The following CCSER1 variants were observed in gnomAD, a reference collection of about 807,000 sequenced individuals.
The protein encoded by CCSER1 is coiled-coil serine rich protein 1.
CCSER1 carries 41 observed loss-of-function variants against 82.0 expected under a neutral mutation model. The observed-to-expected ratio is 0.50, with a 90% CI of 0.39 to 0.65. The LOEUF is 0.65. CCSER1 is among the 30% of genes least tolerant of loss of function. The pLI, the probability that CCSER1 is intolerant of heterozygous loss-of-function variation, is 0.00. For missense variants in CCSER1, 1,119 were observed against 1,064.2 expected (o/e 1.05, Z -0.72); for synonymous variants, 414 against 383.9 (o/e 1.08, Z -0.92).
chr4:91,263,307 A>G (rs1405972628), intron 10 of CCSER1, among the ~76,000 whole-genome samples: 1 of 152,054 alleles, frequency 6.6e-6, no homozygotes, highest in Non-Finnish European at 1.5e-5. Context: ...TCTACTTGAT[A>G]TGGTTCTGAA....
intron 5 of CCSER1, among the ~76,000 whole-genome samples, chr4:90,593,153 T>G (rs927298682): frequency 5.3e-5 from 8 of 152,192 alleles, no homozygotes; most frequent in African/African-American, 1.7e-4. Flanking sequence ...TTATTCATTT[T>G]TTTAATCACA....
chr4:91,367,183 G>A (rs1215669524), intron 10 of CCSER1, among the ~76,000 whole-genome samples: 1 of 149,564 alleles, frequency 6.7e-6, no homozygotes, highest in African/African-American at 2.5e-5. Context: ...TTGTTATGGT[G>A]GATTGAACCT....
chr4:91,310,250 A>G lies in CCSER1; in HGVS notation c.2217+224256A>G, dbSNP rs574242630. Reference sequence around the variant, plus strand: ...TGGCCTGATTGGCTGCCATTTTATTATCGTGCCTTGACCATTGTTATTCCC... The same window carrying G: ...TGGCCTGATTGGCTGCCATTTTATTGTCGTGCCTTGACCATTGTTATTCCC... On this transcript the variant is annotated intron_variant, in intron 10 of 10. Coordinates refer to ENST00000509176, the MANE Select transcript of CCSER1 (RefSeq NM_001145065.2). 4.6e-5 allele frequency among the ~76,000 whole-genome samples: 7 copies of G among 151,894 alleles called. No homozygotes were observed. The South Asian group carries it at 1.2e-3, about 27-fold the overall frequency.
At chr4:91,592,689 A>C (rs1764322348) in intron 10 of CCSER1, among the ~76,000 whole-genome samples, 1 of 152,170 alleles carries the variant, frequency 6.6e-6, no homozygotes, top group African/African-American at 2.4e-5. Context: ...TATTTTCATT[A>C]ATCTTTCAAA....
At chr4:90,358,632 A>G (rs928009974) in intron 3 of CCSER1, among the ~76,000 whole-genome samples, 1 of 152,190 alleles carries the variant, frequency 6.6e-6, no homozygotes, top group African/African-American at 2.4e-5. Context: ...TGTTGTATTT[A>G]TAATACAAAA....
chr4:90,222,622 C>CT (rs1742356631), intron 1 of CCSER1, among the ~76,000 whole-genome samples: 1 of 152,034 alleles, frequency 6.6e-6, no homozygotes, highest in African/African-American at 2.4e-5. Flanking sequence ...TTCAAAGTGC[C>CT]TTTTTAATCC....
intron 10 of CCSER1, among the ~76,000 whole-genome samples, chr4:91,477,585 A>G (rs1189544995): frequency 6.6e-6 from 1 of 151,882 alleles, no homozygotes; most frequent in East Asian, 1.9e-4. Context: ...CTAATTTTCA[A>G]AAGTAGTTTT....
intron 6 of CCSER1, among the ~76,000 whole-genome samples, chr4:90,711,108 C>A (rs1740524689): frequency 6.6e-6 from 1 of 152,012 alleles, no homozygotes; most frequent in South Asian, 2.1e-4. Flanking sequence ...AATGTGAATT[C>A]ATTCATGATT....
At chr4:90,526,775 T>G (rs1420456247) in intron 5 of CCSER1, among the ~76,000 whole-genome samples, 1 of 152,226 alleles carries the variant, frequency 6.6e-6, no homozygotes, top group Admixed American at 6.5e-5. Flanking sequence ...CTATCACTGA[T>G]GGGCATTTGG....
intron 8 of CCSER1, among the ~76,000 whole-genome samples, chr4:90,878,125 T>C (rs1185439658): frequency 6.6e-6 from 1 of 152,166 alleles, no homozygotes; most frequent in Non-Finnish European, 1.5e-5. Flanking sequence ...GTCTCACTTT[T>C]ATGGACTATT....
intron 10 of CCSER1, among the ~76,000 whole-genome samples, chr4:91,302,757 C>T (rs886553817): frequency 6.6e-6 from 1 of 151,794 alleles, no homozygotes; most frequent in Non-Finnish European, 1.5e-5. Flanking sequence ...ACTTTCTTAT[C>T]CCTTAAAACT....
intron 10 of CCSER1, among the ~76,000 whole-genome samples, chr4:91,538,698 C>CATATATTATGTGT: frequency 7.2e-6 from 1 of 138,340 alleles, no homozygotes; most frequent in Non-Finnish European, 1.5e-5. Flanking sequence ...TATATATACA[C>CATATATTATGTGT]ATATATATAT....
At chr4:91,038,065 A>T (rs2150571098) in intron 9 of CCSER1, among the ~76,000 whole-genome samples, 1 of 152,314 alleles carries the variant, frequency 6.6e-6, no homozygotes, top group East Asian at 1.9e-4. Flanking sequence ...ACTATATCAT[A>T]GAGATAACGT....
chr4:91,411,417 C>T (rs1374852427), intron 10 of CCSER1, among the ~76,000 whole-genome samples: 5 of 144,364 alleles, frequency 3.5e-5, no homozygotes, highest in African/African-American at 5.1e-5. Flanking sequence ...GTTTTGAATG[C>T]CTTAATTTAT....
At chr4:90,538,627 A>G (rs1775721205) in intron 5 of CCSER1, among the ~76,000 whole-genome samples, 1 of 152,124 alleles carries the variant, frequency 6.6e-6, no homozygotes, top group Non-Finnish European at 1.5e-5. Context: ...ACTGTATTTT[A>G]TAACAACCTT....
chr4:91,601,970 A>AAAACT lies in CCSER1; in HGVS notation c.*2915_*2919dup, dbSNP rs1246800456. On this transcript the variant is annotated 3_prime_UTR_variant, in exon 11 of 11. Coordinates refer to ENST00000509176, the MANE Select transcript of CCSER1 (RefSeq NM_001145065.2). ...AATTATATGCTAAGAGAGTCACCAC[A>AAAACT]AAACTATGAATTCTCTCCCGAATTA... is the stretch of plus-strand genomic sequence containing the variant. The AAAACT allele has an allele frequency of 1.3e-5, 2 of 152,078 alleles. No homozygotes were observed. Among genetic ancestry groups the AAAACT allele is most frequent in the Non-Finnish European group, 2.9e-5 (2 of 67,954 alleles). The allele number at this position is 152,078 out of a possible 1,614,324, so 9.4% of individuals were successfully genotyped here. A position where few individuals can be genotyped will look rare whatever the true frequency, so the allele number is the denominator to read the frequency against.
rs1388973475 is a variant in CCSER1 at position 91,603,786 on chromosome 4, C to T, written c.*4729C>T. 1 of 151,980 alleles carries T rather than the reference C, an allele frequency of 6.6e-6. No homozygotes were observed. Among genetic ancestry groups the T allele is most frequent in the Non-Finnish European group, 1.5e-5 (1 of 67,964 alleles). 9.4% of individuals were successfully genotyped at this position (151,980 alleles called of 1,614,324 possible). On this transcript the variant is annotated 3_prime_UTR_variant, in exon 11 of 11. Transcript: ENST00000509176. ...TCACTTGTGTCTCAAGTTCTGGAGG[C>T]TAGGAAGTCTAAGATTAGGGTGGGG...
intron 6 of CCSER1, among the ~76,000 whole-genome samples, chr4:90,635,172 C>T (rs1725194968): frequency 6.6e-6 from 1 of 151,626 alleles, no homozygotes; most frequent in Non-Finnish European, 1.5e-5. Flanking sequence ...ATGAAAAAAT[C>T]AGAAAATTTC....
intron 6 of CCSER1, among the ~76,000 whole-genome samples, chr4:90,700,564 ACT>A (rs1398543641): frequency 6.6e-6 from 1 of 152,210 alleles, no homozygotes; most frequent in East Asian, 1.9e-4. Context: ...GAATTGCCAC[ACT>A]GTCTTCCACA....
Sources: allele counts gnomAD v4.1 joint callset (sites outside exome capture counted in the v4.1 genomes callset), GRCh38; gene constraint gnomAD v4.1.1; transcripts MANE v1.5; gene names NCBI Gene and HGNC (gene_info 2026-07-23, HGNC 2026-07-21).